Variants in CCL3 observed in about 807,000 individuals in gnomAD.
The protein encoded by CCL3 is C-C motif chemokine ligand 3, also known as C-C motif chemokine 3.
CCL3 carries 6 observed loss-of-function variants against 8.1 expected under a neutral mutation model. That is an observed-to-expected ratio of 0.74 (90% CI 0.41 to 1.46). The LOEUF is 1.46. Among genes scored for constraint, CCL3 ranks in the 40% most tolerant of loss-of-function variants. The pLI, the probability that CCL3 is intolerant of heterozygous loss-of-function variation, is 0.02. For missense variants in CCL3, 109 were observed against 117.7 expected, an observed-to-expected ratio of 0.93 and a Z score of 0.34; for synonymous variants, 45 against 45.1, an observed-to-expected ratio of 1.00 and a Z score of 0.01.
chr17:36,090,045 G>A lies in CCL3; in HGVS notation c.14C>T (p.Thr5Ile), dbSNP rs2067031581. 2 of 1,613,424 alleles carry A rather than the reference G, an allele frequency of 1.2e-6. No individual in the cohort carries two copies. Among genetic ancestry groups the A allele is most frequent in the Admixed American group, 1.7e-5 (1 of 60,000 alleles). Reference protein sequence around the residue: MQVSTAALAVLLCTM... With the variant: MQVSIAALAVLLCTM... ...GCAGAGGAGGACAGCAAGGGCAGCAGTGGAGACCTGCATGATTCTGAGCAG... is the reference window on the plus strand; with the variant it reads ...GCAGAGGAGGACAGCAAGGGCAGCAATGGAGACCTGCATGATTCTGAGCAG... The change falls in exon 1 of 3, where the codon ACT becomes ATT. Residue 5 changes from threonine to isoleucine, a missense_variant. By Grantham distance (89) the Thr-to-Ile change is moderately conservative. Transcript: ENST00000613922.
chr17:36,089,933 TG>T lies in CCL3; in HGVS notation c.73+52del, dbSNP rs1377355645. 18 of 1,521,594 alleles carry T rather than the reference TG, an allele frequency of 1.2e-5. No individual in the cohort carries two copies. The East Asian group carries it at 4.1e-4, about 34-fold the overall frequency. 94.3% of individuals were successfully genotyped at this position (1,521,594 alleles called of 1,614,324 possible). A position where few individuals can be genotyped will look rare whatever the true frequency, so the allele number is the denominator to read the frequency against. On this transcript the variant is annotated intron_variant, in intron 1 of 2. Coordinates refer to ENST00000613922, the MANE Select transcript of CCL3 (RefSeq NM_002983.3). ...TTTAGGCCACAAGAAAAGATTGATGTGGTCTAACCATGGCCAGAGAGTGGTG... is the reference window on the plus strand; with the variant it reads ...TTTAGGCCACAAGAAAAGATTGATGTGTCTAACCATGGCCAGAGAGTGGTG...
At chr17:36,089,500 T>C in intron 1 of CCL3, 1 of 639,614 alleles carries the variant, frequency 1.6e-6, no homozygotes, top group Middle Eastern at 3.8e-4. Flanking sequence ...GTTCTCTGTT[T>C]CTCTGTGTGA....
At position 36,088,582 on chromosome 17, in the gene CCL3, G is replaced by A. The variant is rs540744686; in HGVS notation, c.*90C>T. ...ACCAGTCCATAGAAGAGGTAGCTGT[G>A]GAGGTCACACGCATGTTCCCAAGGC... On this transcript the variant is annotated 3_prime_UTR_variant, in exon 3 of 3. Coordinates refer to ENST00000613922, the MANE Select transcript of CCL3 (RefSeq NM_002983.3). 44 of 1,382,460 alleles carry A rather than the reference G, an allele frequency of 3.2e-5. No individual in the cohort carries two copies. The highest frequency in any genetic ancestry group is 2.7e-4 in the African/African-American group (19 of 70,048). The allele number at this position is 1,382,460 out of a possible 1,614,324, so 85.6% of individuals were successfully genotyped here.
intron 2 of CCL3, among the ~76,000 whole-genome samples, 183 bp downstream of exon 2, chr17:36,089,000 C>T (rs2067015152): frequency 6.6e-6 from 1 of 152,172 alleles, no homozygotes; most frequent in Non-Finnish European, 1.5e-5. Context: ...GGCAGCCCTT[C>T]CTGACTCTGT....
intron 2 of CCL3, 142 bp downstream of exon 2, chr17:36,089,041 G>A: frequency 5.3e-6 from 6 of 1,136,826 alleles, no homozygotes; most frequent in East Asian, 2.4e-5. Flanking sequence ...TCCAAGTCAG[G>A]TCACACCTCG....
In CCL3 at chr17:36,088,642, G is replaced by A. The variant is rs775138296; in HGVS notation, c.*30C>T. ...TGCTCCTCCCCACTGGGCCCACCGA[G>A]GTCGCTGGGCCTCGAAGCTTCTGGA... On this transcript the variant is annotated 3_prime_UTR_variant, in exon 3 of 3. Transcript: ENST00000613922. 3 of 1,609,776 alleles carry A rather than the reference G, an allele frequency of 1.9e-6. No homozygotes were observed. Among genetic ancestry groups the A allele is most frequent in the Admixed American group, 1.7e-5 (1 of 59,990 alleles).
chr17:36,088,296 G>A lies in CCL3; in HGVS notation c.*376C>T, dbSNP rs145846465. On this transcript the variant is annotated 3_prime_UTR_variant, in exon 3 of 3. Transcript: ENST00000613922. ...AGCATCTTTATTATTTCCCCAGGCC[G>A]ATCACAGCCCTGAACAAAAGCATCC... The A allele has an allele frequency of 1.3e-5, 3 of 235,070 alleles. No homozygotes were observed. The highest frequency in any genetic ancestry group is 6.7e-5 in the South Asian group (1 of 14,888). 14.6% of individuals were successfully genotyped at this position (235,070 alleles called of 1,614,324 possible). A position where few individuals can be genotyped will look rare whatever the true frequency, so the allele number is the denominator to read the frequency against.
chr17:36,088,718 T>C lies in CCL3; in HGVS notation c.233A>G (p.Glu78Gly). ...GCTGACATATTTCTGGACCCACTCC[T>C]CACTGGGGTCAGCACAGACCTGCCG... ...RSRQVCADPSEEWVQKYVSDL... is the reference protein window; with the variant it reads ...RSRQVCADPSGEWVQKYVSDL... The change falls in exon 3 of 3, where the codon GAG becomes GGG. Residue 78 changes from glutamate to glycine, a missense_variant. Physicochemically the swap from Glu to Gly is moderately conservative, Grantham distance 98. Coordinates refer to ENST00000613922, the MANE Select transcript of CCL3 (RefSeq NM_002983.3). The C allele has an allele frequency of 6.2e-7, 1 of 1,613,784 alleles. No individual in the cohort carries two copies. Among genetic ancestry groups the C allele is most frequent in the Non-Finnish European group, 8.5e-7 (1 of 1,179,864 alleles).
At position 36,088,600 on chromosome 17, in the gene CCL3, C is replaced by T. The variant is rs753104405; in HGVS notation, c.*72G>A. On this transcript the variant is annotated 3_prime_UTR_variant, in exon 3 of 3. Coordinates refer to ENST00000613922, the MANE Select transcript of CCL3 (RefSeq NM_002983.3). Reference sequence around the variant, plus strand: ...TAGCTGTGGAGGTCACACGCATGTTCCCAAGGCTCAGGCTCCTGCTCCTCC... The same window carrying T: ...TAGCTGTGGAGGTCACACGCATGTTTCCAAGGCTCAGGCTCCTGCTCCTCC... The T allele has an allele frequency of 1.6e-4, 256 of 1,566,996 alleles. No homozygotes were observed. Among genetic ancestry groups the T allele is most frequent in the Non-Finnish European group, 2.0e-4 (233 of 1,139,140 alleles).
At position 36,088,593 on chromosome 17, in the gene CCL3, G is replaced by A. The variant is rs1281053753; in HGVS notation, c.*79C>T. 1.2e-5 allele frequency: 18 copies of A among 1,502,006 alleles called. No individual in the cohort carries two copies. The highest frequency in any genetic ancestry group is 2.3e-5 in the East Asian group (1 of 44,376). The allele number at this position is 1,502,006 out of a possible 1,614,324, so 93.0% of individuals were successfully genotyped here. ...GAAGAGGTAGCTGTGGAGGTCACAC[G>A]CATGTTCCCAAGGCTCAGGCTCCTG... On this transcript the variant is annotated 3_prime_UTR_variant, in exon 3 of 3. Transcript: ENST00000613922.
In CCL3 at chr17:36,088,853, G is replaced by T; in HGVS notation, c.189-91C>A. On this transcript the variant is annotated intron_variant, in intron 2 of 2. Transcript: ENST00000613922. ...GCCCCACCATTCTGCTCTCTGTCCT[G>T]GGCAGCTCAGGGCTTGCTCCTCTTT... The T allele has an allele frequency of 2.0e-6, 3 of 1,523,832 alleles. No homozygotes were observed. The South Asian group carries it at 3.4e-5, about 17-fold the overall frequency. The allele number at this position is 1,523,832 out of a possible 1,614,324, so 94.4% of individuals were successfully genotyped here.
Position 36,088,688 on chromosome 17 carries a change from A to G in CCL3, c.263T>C (p.Leu88Pro). 6.2e-7 allele frequency: 1 copy of G among 1,613,490 alleles called. No individual in the cohort carries two copies. Among genetic ancestry groups the G allele is most frequent in the Non-Finnish European group, 8.5e-7 (1 of 1,179,838 alleles). ...CTGGACCCCTCAGGCACTCAGCTCC[A>G]GGTCGCTGACATATTTCTGGACCCA... ...EEWVQKYVSD[L>P]ELSA The change falls in exon 3 of 3, where the codon CTG (leucine) becomes CCG (proline). Residue 88 changes from leucine to proline, a missense_variant. Leu to Pro is a moderately conservative substitution (Grantham distance 98). Transcript: ENST00000613922.
chr17:36,089,986 G>T lies in CCL3; in HGVS notation c.73C>A (p.Leu25Ile), dbSNP rs1251992195. 1.2e-6 allele frequency: 2 copies of T among 1,613,648 alleles called. No homozygotes were observed. Among genetic ancestry groups the T allele is most frequent in the Non-Finnish European group, 1.7e-6 (2 of 1,179,680 alleles). ...TACCCACAACGAAACTCAGACTCAC[G>T]TGATGCAGAGAACTGGTTGCAGAGA... Reference protein sequence around the residue: ...MALCNQFSASLAADTPTACCF... With the variant: ...MALCNQFSASIAADTPTACCF... Residue 25 changes from leucine to isoleucine, a missense_variant and splice_region_variant, in exon 1 of 3, where the codon CTT becomes ATT. Leu to Ile is a conservative substitution (Grantham distance 5). Coordinates refer to ENST00000613922, the MANE Select transcript of CCL3 (RefSeq NM_002983.3).
rs1400529611 is a variant in CCL3, at chr17:36,089,227, A to G, written c.144T>C (p.Ala48=). The G allele has an allele frequency of 1.9e-6, 3 of 1,614,028 alleles. No homozygotes were observed. In the East Asian group the frequency reaches 6.7e-5, roughly 36 times the overall value. The part of the protein sequence containing the change: ...TSRQIPQNFI[A]DYFETSSQCS... ...ACTGGCTGCTCGTCTCAAAGTAGTC[A>G]GCTATGAAATTCTGTGGAATCTGCC... Residue 48 remains alanine, a synonymous_variant, in exon 2 of 3, where the codon GCT becomes GCC. Transcript: ENST00000613922.
rs1049176 is a variant in CCL3, at chr17:36,088,555, C to T, written c.*117G>A. The T allele has an allele frequency of 2.8e-3, 3,044 of 1,093,924 alleles. 72 individuals carry two copies. In the South Asian group the frequency reaches 0.035, roughly 12 times the overall value. 67.8% of individuals were successfully genotyped at this position (1,093,924 alleles called of 1,614,324 possible). ...GTCCCACAGTGTGGCTGTTTGGCAA[C>T]AACCAGTCCATAGAAGAGGTAGCTG... On this transcript the variant is annotated 3_prime_UTR_variant, in exon 3 of 3. Coordinates refer to ENST00000613922, the MANE Select transcript of CCL3 (RefSeq NM_002983.3).
At position 36,090,143 on chromosome 17, in the gene CCL3, T is replaced by A. The variant is rs2067032938; in HGVS notation, c.-85A>T. 1 of 1,334,658 alleles carries A rather than the reference T, an allele frequency of 7.5e-7. No individual in the cohort carries two copies. Among genetic ancestry groups the A allele is most frequent in the African/African-American group, 1.4e-5 (1 of 68,988 alleles). The allele number at this position is 1,334,658 out of a possible 1,614,324, so 82.7% of individuals were successfully genotyped here. ...CCACTGTCTGCTGCCCGTGTCCTTC[T>A]GAAGTCTGAAACCAGCTCTCCTCTT... On this transcript the variant is annotated 5_prime_UTR_variant, in exon 1 of 3. Coordinates refer to ENST00000613922, the MANE Select transcript of CCL3 (RefSeq NM_002983.3).
chr17:36,089,073 C>T (rs561117436), intron 2 of CCL3, 110 bp downstream of exon 2: 70 of 1,416,062 alleles, frequency 4.9e-5, no homozygotes, highest in African/African-American at 2.1e-4. Flanking sequence ...CCTGTATCCC[C>T]GATAGGCTCC....
At chr17:36,089,112 T>C in intron 2 of CCL3, 71 bp downstream of exon 2, 1 of 1,592,744 alleles carries the variant, frequency 6.3e-7, no homozygotes, top group African/African-American at 1.3e-5. Context: ...AGGATAGCCT[T>C]CTGGCCTGTC....
rs2067030625 is a variant in CCL3 at position 36,089,980 on chromosome 17, A to C, written c.73+6T>G. 6.2e-7 allele frequency: 1 copy of C among 1,613,440 alleles called. No homozygotes were observed. Among genetic ancestry groups the C allele is most frequent in the South Asian group, 1.1e-5 (1 of 91,064 alleles). ...TGGTGATACCCACAACGAAACTCAGACTCACGTGATGCAGAGAACTGGTTG... is the reference window on the plus strand; with the variant it reads ...TGGTGATACCCACAACGAAACTCAGCCTCACGTGATGCAGAGAACTGGTTG... On this transcript the variant is annotated splice_donor_region_variant and intron_variant, in intron 1 of 2. Transcript: ENST00000613922.
Sources: gnomAD v4.1 joint callset for allele counts (sites outside exome capture counted in the v4.1 genomes callset) on GRCh38, gnomAD v4.1.1 for gene constraint, MANE v1.5 for transcripts, NCBI Gene and HGNC (gene_info 2026-07-23, HGNC 2026-07-21) for gene names.